The following OSTF1 variants were observed in gnomAD, a reference collection of about 807,000 sequenced individuals.
The protein encoded by OSTF1 is osteoclast stimulating factor 1.
A neutral mutation model predicts 37.2 loss-of-function variants in OSTF1; 27 were observed. That is an observed-to-expected ratio of 0.73 (90% confidence interval 0.54 to 1.00). The LOEUF (loss-of-function observed/expected upper bound fraction) is 1.00. Ranked by LOEUF, OSTF1 falls within the 50% of genes least tolerant of loss-of-function variation. OSTF1 has a pLI of 0.00. For missense variants in OSTF1, 232 were observed against 253.8 expected, an observed-to-expected ratio of 0.91 and a Z score of 0.58; for synonymous variants, 82 against 89.2, an observed-to-expected ratio of 0.92 and a Z score of 0.46.
chr9:75,093,781 A>G (rs1330709080), intron 1 of OSTF1, among the ~76,000 whole-genome samples: 1 of 152,220 alleles, frequency 6.6e-6, no homozygotes, highest in Non-Finnish European at 1.5e-5. Context: ...GAGGTGAAAT[A>G]TGCACGTGAA....
At chr9:75,134,251 T>C in intron 6 of OSTF1, 95 bp from the exon 7 acceptor site, 1 of 534,928 alleles carries the variant, frequency 1.9e-6, no homozygotes, top group Non-Finnish European at 3.4e-6. Context: ...TGAAGGTTCT[T>C]CTGAAGAATC....
At chr9:75,125,000 T>C (rs1192530038) in intron 2 of OSTF1, among the ~76,000 whole-genome samples, 1 of 152,216 alleles carries the variant, frequency 6.6e-6, no homozygotes, top group Non-Finnish European at 1.5e-5. Flanking sequence ...GGACGGCTCA[T>C]AGATGGGACA....
chr9:75,095,553 G>T (rs1168005978), intron 1 of OSTF1, among the ~76,000 whole-genome samples: 1 of 152,174 alleles, frequency 6.6e-6, no homozygotes, highest in Non-Finnish European at 1.5e-5. Context: ...AGGCAGAAAT[G>T]AAATAATGCA....
intron 1 of OSTF1, among the ~76,000 whole-genome samples, chr9:75,092,414 C>A (rs7038295): frequency 0.094 from 14,375 of 152,196 alleles, 746 homozygotes; most frequent in South Asian, 0.17. Flanking sequence ...CTGGGGTTCC[C>A]AGGAACAATA....
intron 2 of OSTF1, among the ~76,000 whole-genome samples, chr9:75,124,137 T>A (rs1825625401): frequency 6.6e-6 from 1 of 152,162 alleles, no homozygotes; most frequent in African/African-American, 2.4e-5. Flanking sequence ...ATTTAAAAAA[T>A]TTTTAATTCC....
Position 75,133,386 on chromosome 9 carries a change from C to T in OSTF1, c.343C>T (p.His115Tyr). 1 of 1,596,190 alleles carries T rather than the reference C, an allele frequency of 6.3e-7. No homozygotes were observed. The change falls in exon 6 of 10, where the codon CAC becomes TAC. Residue 115 changes from histidine (H) to tyrosine (Y), a missense_variant. His to Tyr is a moderately conservative substitution (Grantham distance 83). Coordinates refer to ENST00000346234, the MANE Select transcript of OSTF1 (RefSeq NM_012383.5). Reference sequence around the variant, plus strand: ...AAGCACTGCCTTATACTGGGCTTGCCACGGGGGCCACAAAGGTATTACATT... The same window carrying T: ...AAGCACTGCCTTATACTGGGCTTGCTACGGGGGCCACAAAGGTATTACATT... ...AGSTALYWAC[H>Y]GGHKDIVEML...
intron 1 of OSTF1, among the ~76,000 whole-genome samples, chr9:75,110,508 A>C (rs934010844): frequency 2.9e-4 from 44 of 152,260 alleles, no homozygotes; most frequent in African/African-American, 1.1e-3. Context: ...TTTTCACTTT[A>C]GCCATCAGAG....
At chr9:75,128,216 A>G (rs1825690095) in intron 3 of OSTF1, among the ~76,000 whole-genome samples, 1 of 150,702 alleles carries the variant, frequency 6.6e-6, no homozygotes, top group East Asian at 2.0e-4. Flanking sequence ...GTAAAAAGCA[A>G]TCCCTAAAAA....
intron 1 of OSTF1, among the ~76,000 whole-genome samples, chr9:75,095,992 C>T (rs1299721654): frequency 1.3e-5 from 2 of 151,874 alleles, no homozygotes; most frequent in Non-Finnish European, 2.9e-5. Context: ...CCCGGGTTCA[C>T]GCCATTCTCC....
At chr9:75,120,069 G>A (rs1408889875) in intron 2 of OSTF1, among the ~76,000 whole-genome samples, 1 of 152,082 alleles carries the variant, frequency 6.6e-6, no homozygotes, top group Non-Finnish European at 1.5e-5. Flanking sequence ...AGTCATATAT[G>A]GAAGTACAGA....
chr9:75,140,157 T>C (rs1825916987), intron 8 of OSTF1, among the ~76,000 whole-genome samples: 1 of 152,204 alleles, frequency 6.6e-6, no homozygotes, highest in African/African-American at 2.4e-5. Flanking sequence ...TATATCAATA[T>C]GTGTATGAAT....
At chr9:75,112,625 C>A (rs1464146878) in intron 1 of OSTF1, among the ~76,000 whole-genome samples, 1 of 152,166 alleles carries the variant, frequency 6.6e-6, no homozygotes, top group African/African-American at 2.4e-5. Context: ...AATAAATCTC[C>A]CACTTTCAGT....
At chr9:75,103,868 C>A (rs11144232) in intron 1 of OSTF1, among the ~76,000 whole-genome samples, 9,300 of 152,202 alleles carry the variant, frequency 0.061, 391 homozygotes, top group African/African-American at 0.11. Context: ...CTCTTGGGCT[C>A]AAGCAATCCT....
chr9:75,139,055 T>TTTCTTTCTTTCTTTCTTTCTTTC (rs1005371590), intron 8 of OSTF1, among the ~76,000 whole-genome samples: 3 of 137,240 alleles, frequency 2.2e-5, no homozygotes, highest in Non-Finnish European at 4.6e-5. Flanking sequence ...TCTTTCTTTC[T>TTTCTTTCTTTCTTTCTTTCTTTC]TTTTTTTTTG....
intron 8 of OSTF1, among the ~76,000 whole-genome samples, chr9:75,138,149 C>A (rs1431822787): frequency 6.6e-6 from 1 of 152,140 alleles, no homozygotes; most frequent in Non-Finnish European, 1.5e-5. Flanking sequence ...TCCCTTTATC[C>A]TTTTGTCCCA....
chr9:75,126,432 T>C (rs1825662982), intron 2 of OSTF1, among the ~76,000 whole-genome samples: 1 of 152,260 alleles, frequency 6.6e-6, no homozygotes, highest in South Asian at 2.1e-4. Flanking sequence ...TCATCCACCA[T>C]GATGATGTAA....
rs1334080485 is a variant in OSTF1, at chr9:75,088,646, T to G, written c.-47T>G. 4 of 1,591,622 alleles carry G rather than the reference T, an allele frequency of 2.5e-6. No homozygotes were observed. Among genetic ancestry groups the G allele is most frequent in the Admixed American group, 1.7e-5 (1 of 57,302 alleles). Reference sequence around the variant, plus strand: ...GGAGTGCCAGGTGGCGGGCAAGCGGTGGGCTTTTCGGCGGGGTCTTTAGGA... The same window carrying G: ...GGAGTGCCAGGTGGCGGGCAAGCGGGGGGCTTTTCGGCGGGGTCTTTAGGA... On this transcript the variant is annotated 5_prime_UTR_variant, in exon 1 of 10. Coordinates refer to ENST00000346234, the MANE Select transcript of OSTF1 (RefSeq NM_012383.5).
intron 1 of OSTF1, among the ~76,000 whole-genome samples, chr9:75,107,573 A>T (rs1825310657): frequency 6.6e-6 from 1 of 152,216 alleles, no homozygotes; most frequent in South Asian, 2.1e-4. Flanking sequence ...AAAGTAGGAA[A>T]ATATTCTTTA....
chr9:75,098,799 T>G (rs903773792), intron 1 of OSTF1, among the ~76,000 whole-genome samples: 3 of 152,332 alleles, frequency 2.0e-5, no homozygotes, highest in East Asian at 3.9e-4. Context: ...ATCATTGTAT[T>G]TGATTCCAGA....
Sources: gnomAD v4.1 joint callset for allele counts (sites outside exome capture counted in the v4.1 genomes callset) on GRCh38, gnomAD v4.1.1 for gene constraint, MANE v1.5 for transcripts, NCBI Gene and HGNC (gene_info 2026-07-23, HGNC 2026-07-21) for gene names.